The following DNAH6 variants were observed in gnomAD, a reference collection of about 807,000 sequenced individuals.
DNAH6 encodes dynein axonemal heavy chain 6.
A neutral mutation model predicts 491.4 loss-of-function variants in DNAH6; 340 were observed. That is an observed-to-expected ratio of 0.69 (90% CI 0.63 to 0.76). The LOEUF (loss-of-function observed/expected upper bound fraction) is 0.76, where lower values mean the gene tolerates loss of function less well. Among genes scored for constraint, DNAH6 ranks in the 30% least tolerant of loss-of-function variants. DNAH6 has a pLI of 0.00. For missense variants in DNAH6, 4,443 were observed against 4,972.2 expected (o/e 0.89, Z 3.20); for synonymous variants, 1,603 against 1,686.1 (o/e 0.95, Z 1.21).
rs1361790466 is a variant in DNAH6, at chr2:84,621,612, T to A, written c.4071+61T>A. The A allele has an allele frequency of 2.5e-5, 24 of 973,992 alleles. No homozygotes were observed. In the Middle Eastern group the frequency reaches 9.9e-4, roughly 40 times the overall value. The allele number at this position is 973,992 out of a possible 1,614,324, so 60.3% of individuals were successfully genotyped here. On this transcript the variant is annotated intron_variant, in intron 26 of 76. Transcript: ENST00000389394. ...AAGATGGTCTTGGTGGGTTTTTTTT[T>A]AAAGCACAGTTAATGCAAATTCACT...
chr2:84,729,617 G>T (rs1225484760), intron 61 of DNAH6, among the ~76,000 whole-genome samples: 1 of 152,146 alleles, frequency 6.6e-6, no homozygotes, highest in Non-Finnish European at 1.5e-5. Context: ...TACTTCTCAT[G>T]AACAGCATAT....
rs886068397 is a variant in DNAH6, at chr2:84,611,585, C to A, written c.3295-89C>A. 8.8e-6 allele frequency: 10 copies of A among 1,135,168 alleles called. No individual in the cohort carries two copies. In the African/African-American group the frequency reaches 1.1e-4, roughly 12 times the overall value. The allele number at this position is 1,135,168 out of a possible 1,614,324, so 70.3% of individuals were successfully genotyped here. A position where few individuals can be genotyped will look rare whatever the true frequency, so the allele number is the denominator to read the frequency against. ...AACACCACCCTCAAGGAAAAAGATA[C>A]AGTGATTCCCTGTGTCATGATTTTT... On this transcript the variant is annotated intron_variant, in intron 21 of 76. Coordinates refer to ENST00000389394, the MANE Select transcript of DNAH6 (RefSeq NM_001370.2).
chr2:84,673,823 G>A (rs1328104252), intron 40 of DNAH6, among the ~76,000 whole-genome samples: 1 of 152,210 alleles, frequency 6.6e-6, no homozygotes, highest in South Asian at 2.1e-4. Context: ...ACAATTAAGG[G>A]TTGGTTAAGG....
rs35187823 is a variant in DNAH6 at position 84,778,504 on chromosome 2, CTT to C, written c.10704-2977_10704-2976del. 1.1e-3 allele frequency among the ~76,000 whole-genome samples: 164 copies of C among 145,930 alleles called. 2 individuals are homozygous for C. Among genetic ancestry groups the C allele is most frequent in the African/African-American group, 3.9e-3 (156 of 40,076 alleles). Reference sequence around the variant, plus strand: ...CAATGTAGGAATTTAGCACTATAAACTTTTTTTTTTTTTGAGACAGGGTCTCA... The same window carrying C: ...CAATGTAGGAATTTAGCACTATAAACTTTTTTTTTTTGAGACAGGGTCTCA... On this transcript the variant is annotated intron_variant, in intron 64 of 76. Coordinates refer to ENST00000389394, the MANE Select transcript of DNAH6 (RefSeq NM_001370.2).
At chr2:84,721,099 G>A (rs1244188154) in intron 59 of DNAH6, among the ~76,000 whole-genome samples, 1 of 152,190 alleles carries the variant, frequency 6.6e-6, no homozygotes, top group African/African-American at 2.4e-5. Context: ...CTCAACGGAA[G>A]CATATAGTAT....
At chr2:84,731,224 C>T (rs1473585530) in intron 61 of DNAH6, among the ~76,000 whole-genome samples, 1 of 152,158 alleles carries the variant, frequency 6.6e-6, no homozygotes, top group East Asian at 1.9e-4. Flanking sequence ...GCACAGGGCT[C>T]CTGCCTACTC....
intron 18 of DNAH6, among the ~76,000 whole-genome samples, chr2:84,602,799 T>TG (rs1445541942): frequency 1.4e-5 from 2 of 143,138 alleles, no homozygotes; most frequent in South Asian, 2.4e-4. Flanking sequence ...GATGCTCTGT[T>TG]TTTTTTTTTT....
chr2:84,648,685 C>T (rs939702202), intron 33 of DNAH6, among the ~76,000 whole-genome samples: 8 of 152,174 alleles, frequency 5.3e-5, no homozygotes, highest in Admixed American at 3.3e-4. Context: ...CATGATCAAA[C>T]GTGAATAGAT....
intron 62 of DNAH6, among the ~76,000 whole-genome samples, chr2:84,741,948 C>G (rs573390408): frequency 1.4e-4 from 21 of 152,356 alleles, no homozygotes; most frequent in African/African-American, 4.8e-4. Context: ...CTTACTGTTT[C>G]CCTGCATCCA....
intron 62 of DNAH6, among the ~76,000 whole-genome samples, chr2:84,736,656 T>A (rs1235027517): frequency 6.6e-6 from 1 of 152,158 alleles, no homozygotes; most frequent in Non-Finnish European, 1.5e-5. Flanking sequence ...TATACAGAAA[T>A]GCTACTGATT....
intron 33 of DNAH6, among the ~76,000 whole-genome samples, chr2:84,647,725 G>A (rs540753977): frequency 1.9e-4 from 29 of 152,256 alleles, no homozygotes; most frequent in African/African-American, 7.0e-4. Context: ...AATTTAACCC[G>A]AGATAACTTT....
chr2:84,688,537 A>C lies in DNAH6; in HGVS notation c.7236A>C (p.Thr2412=), dbSNP rs1198012860. Residue 2412 remains threonine (T), a synonymous_variant, in exon 45 of 77, where the codon ACA becomes ACC. Coordinates refer to ENST00000389394, the MANE Select transcript of DNAH6 (RefSeq NM_001370.2). Reference sequence around the variant, plus strand: ...ACTATCTTGATGATTATAATCTCACAAATCCCAAAGAAGTAAAGTTGGTGT... The same window carrying C: ...ACTATCTTGATGATTATAATCTCACCAATCCCAAAGAAGTAAAGTTGGTGT... ...LQDYLDDYNL[T]NPKEVKLVFF... The C allele has an allele frequency of 6.5e-7, 1 of 1,545,878 alleles. No individual in the cohort carries two copies.
In DNAH6 at chr2:84,654,745, C is replaced by G; in HGVS notation, c.5720C>G (p.Pro1907Arg). 1.3e-6 allele frequency: 2 copies of G among 1,551,064 alleles called. No individual in the cohort carries two copies. The highest frequency in any genetic ancestry group is 1.7e-6 in the Non-Finnish European group (2 of 1,146,346). The part of the protein sequence containing the change: ...FVDPEELKWM[P>R]YVKTWMKGIS... ...GATCCTGAAGAACTGAAATGGATGC[C>G]TTATGTTAAAACTTGGATGAAGGGT... Residue 1907 changes from proline to arginine, a missense_variant, in exon 35 of 77, where the codon CCT becomes CGT. By Grantham distance (103) the Pro-to-Arg change is moderately radical. This residue lies in a region of DNAH6 where 2,977 missense variants were observed against 3,296.6 expected (regional missense o/e 0.90). Transcript: ENST00000389394.
rs557916181 is a variant in DNAH6 at position 84,815,338 on chromosome 2, C to T, written c.12151-523C>T. Among the ~76,000 whole-genome samples the T allele has an allele frequency of 2.6e-5, 4 of 151,088 alleles. No individual in the cohort carries two copies. In the South Asian group the frequency reaches 8.4e-4, roughly 32 times the overall value. On this transcript the variant is annotated intron_variant, in intron 75 of 76. Coordinates refer to ENST00000389394, the MANE Select transcript of DNAH6 (RefSeq NM_001370.2). Reference sequence around the variant, plus strand: ...CGGGCCAGAAATGGCCAAATCCACTCAGGGTTTGAGGAAGGATGACTCAGA... The same window carrying T: ...CGGGCCAGAAATGGCCAAATCCACTTAGGGTTTGAGGAAGGATGACTCAGA...
chr2:84,614,251 C>T, intron 22 of DNAH6, among the ~76,000 whole-genome samples: 1 of 152,026 alleles, frequency 6.6e-6, no homozygotes, highest in East Asian at 1.9e-4. Context: ...GTCCTCATAC[C>T]TTAGCTCCCA....
At chr2:84,510,234 T>C in the DNAH6 span, among the ~76,000 whole-genome samples, 1 of 152,364 alleles carries the variant, frequency 6.6e-6, no homozygotes. Flanking sequence ...GATTTGGTCT[T>C]TTCACATAGT....
chr2:84,463,635 T>C, the DNAH6 span, among the ~76,000 whole-genome samples: 1 of 152,110 alleles, frequency 6.6e-6, no homozygotes, highest in African/African-American at 2.4e-5. Flanking sequence ...AATGTGTGAA[T>C]AAACAGGGAC....
chr2:84,768,195 C>T (rs1006551039), intron 64 of DNAH6, among the ~76,000 whole-genome samples: 2 of 151,686 alleles, frequency 1.3e-5, no homozygotes, highest in East Asian at 3.9e-4. Flanking sequence ...AAAAAACTAT[C>T]TAAACTTAGT....
chr2:84,771,598 A>C (rs1280291416), intron 64 of DNAH6, among the ~76,000 whole-genome samples: 1 of 152,238 alleles, frequency 6.6e-6, no homozygotes, highest in African/African-American at 2.4e-5. Context: ...ATTTTAACAG[A>C]TAAGAGATTC....
Sources: allele counts gnomAD v4.1 joint callset (sites outside exome capture counted in the v4.1 genomes callset), GRCh38; gene constraint gnomAD v4.1.1; regional missense constraint gnomAD v4.1.1; transcripts MANE v1.5; gene names NCBI Gene and HGNC (gene_info 2026-07-23, HGNC 2026-07-21).